Variants in LEPROTL1 observed in about 807,000 individuals in gnomAD.
The protein encoded by LEPROTL1 is leptin receptor overlapping transcript like 1.
In LEPROTL1, 6 loss-of-function variants were observed where a neutral mutation model predicts 15.4. The observed-to-expected ratio is 0.39, with a 90% CI of 0.21 to 0.77. The LOEUF (loss-of-function observed/expected upper bound fraction) is 0.77, where lower values mean the gene tolerates loss of function less well. LEPROTL1 is among the 30% of genes least tolerant of loss of function. The pLI, the probability that LEPROTL1 is intolerant of heterozygous loss-of-function variation, is 0.41. For synonymous variants in LEPROTL1, 56 were observed against 52.6 expected (o/e 1.06, Z -0.28); for missense variants, 128 against 158.1 (o/e 0.81, Z 1.02).
At chr8:30,100,879 G>A (rs749009962) in intron 1 of LEPROTL1, among the ~76,000 whole-genome samples, 9 of 152,108 alleles carry the variant, frequency 5.9e-5, no homozygotes, top group East Asian at 5.8e-4. Flanking sequence ...CTGTGTGTGC[G>A]CGCGTAGCTT....
intron 1 of LEPROTL1, among the ~76,000 whole-genome samples, chr8:30,100,213 T>C (rs1339589950): frequency 6.8e-6 from 1 of 147,504 alleles, no homozygotes; most frequent in South Asian, 2.1e-4. Flanking sequence ...ATGACTGTTT[T>C]AGTTGTGCAG....
At chr8:30,134,678 G>A (rs1355401577) in intron 4 of LEPROTL1, among the ~76,000 whole-genome samples, 1 of 151,274 alleles carries the variant, frequency 6.6e-6, no homozygotes, top group African/African-American at 2.4e-5. Flanking sequence ...ATCCTGAGTA[G>A]CTGGAATTAC....
intron 2 of LEPROTL1, among the ~76,000 whole-genome samples, chr8:30,103,691 G>A (rs900390075): frequency 4.7e-5 from 7 of 149,718 alleles, no homozygotes; most frequent in African/African-American, 1.2e-4. Context: ...GCAGTGAGCC[G>A]AGATCATGCC....
intron 1 of LEPROTL1, chr8:30,095,791 C>A: frequency 1.4e-6 from 1 of 700,964 alleles, no homozygotes; most frequent in Non-Finnish European, 2.6e-6. Context: ...ACCCATCGCC[C>A]CCCGGACAAA....
At chr8:30,137,258 T>C (rs1803167772) in intron 4 of LEPROTL1, 1 of 1,544,136 alleles carries the variant, frequency 6.5e-7, no homozygotes. Context: ...TAGCTCTTGA[T>C]TTCTGTTTTC....
chr8:30,102,527 C>T (rs1015479046), intron 2 of LEPROTL1, among the ~76,000 whole-genome samples: 2 of 151,794 alleles, frequency 1.3e-5, no homozygotes, highest in Admixed American at 6.6e-5. Context: ...TGACACATGC[C>T]TGTAGTCCCA....
chr8:30,123,416 C>T (rs1802859954), intron 3 of LEPROTL1, among the ~76,000 whole-genome samples: 2 of 152,154 alleles, frequency 1.3e-5, no homozygotes, highest in South Asian at 4.1e-4. Context: ...TGCAATCTGC[C>T]ACAACAATAT....
Position 30,107,653 on chromosome 8 carries a change from G to T in LEPROTL1, c.*1791G>T, listed in dbSNP as rs1802590297. 1 of 985,686 alleles carries T rather than the reference G, an allele frequency of 1.0e-6. No homozygotes were observed. Among genetic ancestry groups the T allele is most frequent in the Non-Finnish European group, 1.2e-6 (1 of 829,938 alleles). The allele number at this position is 985,686 out of a possible 1,614,324, so 61.1% of individuals were successfully genotyped here. ...CACTGGAGGCTGAAAGTGGCTTGTGGTATTATAATGTTCAGATTTCAAGAG... is the reference window on the plus strand; with the variant it reads ...CACTGGAGGCTGAAAGTGGCTTGTGTTATTATAATGTTCAGATTTCAAGAG... On this transcript the variant is annotated 3_prime_UTR_variant, in exon 4 of 4. Transcript: ENST00000321250.
intron 3 of LEPROTL1, among the ~76,000 whole-genome samples, chr8:30,127,288 C>G (rs1483593424): frequency 7.9e-5 from 12 of 152,196 alleles, no homozygotes; most frequent in Non-Finnish European, 1.6e-4. Flanking sequence ...ACCAAACTCT[C>G]AGACACTATT....
intron 3 of LEPROTL1, among the ~76,000 whole-genome samples, chr8:30,127,920 G>C (rs895095077): frequency 6.6e-6 from 1 of 152,102 alleles, no homozygotes; most frequent in African/African-American, 2.4e-5. Flanking sequence ...GGTACTACCA[G>C]TCATGTAGCA....
chr8:30,127,816 T>A (rs1430092958), intron 3 of LEPROTL1, among the ~76,000 whole-genome samples: 1 of 151,722 alleles, frequency 6.6e-6, no homozygotes, highest in Non-Finnish European at 1.5e-5. Flanking sequence ...CAAATCCAGA[T>A]CTGGAAGTGA....
chr8:30,105,700 C>A, intron 3 of LEPROTL1, 46 bp from the exon 4 acceptor site: 1 of 1,516,786 alleles, frequency 6.6e-7, no homozygotes, highest in South Asian at 1.2e-5. Context: ...TTTTATTTTC[C>A]TTTCGTTTTT....
chr8:30,096,276 T>C (rs1802364950), intron 1 of LEPROTL1: 1 of 975,768 alleles, frequency 1.0e-6, no homozygotes, highest in South Asian at 4.7e-5. Context: ...TATTTTCTTT[T>C]AAAAAAAGGA....
intron 1 of LEPROTL1, among the ~76,000 whole-genome samples, chr8:30,097,940 G>C (rs1217182165): frequency 6.7e-6 from 1 of 149,218 alleles, no homozygotes; most frequent in African/African-American, 2.5e-5. Context: ...CTTTGTAAGA[G>C]TGTAATCAAA....
intron 4 of LEPROTL1, among the ~76,000 whole-genome samples, chr8:30,136,110 C>A (rs1182612979): frequency 1.3e-5 from 2 of 152,174 alleles, no homozygotes; most frequent in African/African-American, 4.8e-5. Context: ...CCAAACCCTG[C>A]TCATTCACTC....
Position 30,095,499 on chromosome 8 carries a change from G to A in LEPROTL1, c.-14G>A. On this transcript the variant is annotated 5_prime_UTR_variant, in exon 1 of 4. Transcript: ENST00000321250. ...GCCGCCTCGGGTCGTGGAGCCAGGA[G>A]CGACGTCACCGCCATGGCAGGCATC... The A allele has an allele frequency of 6.8e-7, 1 of 1,462,546 alleles. No individual in the cohort carries two copies. The highest frequency in any genetic ancestry group is 9.0e-7 in the Non-Finnish European group (1 of 1,111,398). 90.6% of individuals were successfully genotyped at this position (1,462,546 alleles called of 1,614,324 possible). A position where few individuals can be genotyped will look rare whatever the true frequency, so the allele number is the denominator to read the frequency against.
intron 4 of LEPROTL1, chr8:30,132,773 A>G: frequency 6.4e-7 from 1 of 1,551,750 alleles, no homozygotes; most frequent in South Asian, 1.2e-5. Context: ...AGTGCCTTAC[A>G]CACATGCTCA....
At chr8:30,131,270 A>G (rs867695910) in intron 3 of LEPROTL1, among the ~76,000 whole-genome samples, 35 of 92,458 alleles carry the variant, frequency 3.8e-4, no homozygotes, top group African/African-American at 5.0e-4. Flanking sequence ...ATATATATAT[A>G]TGTGTGTGTA....
chr8:30,134,359 G>GT (rs1199209354), intron 4 of LEPROTL1, among the ~76,000 whole-genome samples: 1 of 151,556 alleles, frequency 6.6e-6, no homozygotes, highest in Non-Finnish European at 1.5e-5. Context: ...GGAGGCGGAG[G>GT]TTGCAGTGAG....
Sources: gnomAD v4.1 joint callset for allele counts (sites outside exome capture counted in the v4.1 genomes callset) on GRCh38, gnomAD v4.1.1 for gene constraint, MANE v1.5 for transcripts, NCBI Gene and HGNC (gene_info 2026-07-23, HGNC 2026-07-21) for gene names.